The following PTCHD4 variants were observed in gnomAD, a reference collection of about 807,000 sequenced individuals.
The protein encoded by PTCHD4 is patched domain-containing protein 4.
A neutral mutation model predicts 58.1 loss-of-function variants in PTCHD4; 33 were observed. That is an observed-to-expected ratio of 0.57 (90% confidence interval 0.43 to 0.76). PTCHD4 has a LOEUF of 0.76. Ranked by LOEUF, PTCHD4 falls within the 30% of genes least tolerant of loss-of-function variation. The probability of loss-of-function intolerance (pLI) is 0.00; values close to 1 mark genes in which losing one functional copy is unlikely to be tolerated. For synonymous variants in PTCHD4, 478 were observed against 409.6 expected, an observed-to-expected ratio of 1.17 and a Z score of -2.02; for missense variants, 1,058 against 1,027.1, an observed-to-expected ratio of 1.03 and a Z score of -0.41.
chr6:48,095,510 C>T (rs1482966316), intron 1 of PTCHD4, among the ~76,000 whole-genome samples: 2 of 151,934 alleles, frequency 1.3e-5, no homozygotes, highest in Non-Finnish European at 2.9e-5. Flanking sequence ...GGTGAAACCC[C>T]GTCTCTACTA....
At chr6:48,107,761 A>G (rs1322355318) in intron 1 of PTCHD4, among the ~76,000 whole-genome samples, 1 of 152,210 alleles carries the variant, frequency 6.6e-6, no homozygotes, top group African/African-American at 2.4e-5. Flanking sequence ...TAAGAAAAAA[A>G]CAAACAACCC....
At chr6:47,946,959 T>G (rs1007410283) in intron 4 of PTCHD4, among the ~76,000 whole-genome samples, 8 of 152,128 alleles carry the variant, frequency 5.3e-5, no homozygotes, top group African/African-American at 1.9e-4. Context: ...TCCTCCCACT[T>G]CAGCCCCCTG....
intron 4 of PTCHD4, among the ~76,000 whole-genome samples, chr6:47,974,474 C>T (rs1398453223): frequency 6.6e-6 from 1 of 152,162 alleles, no homozygotes; most frequent in Non-Finnish European, 1.5e-5. Context: ...CATGATTTCT[C>T]AACCTTAACA....
At chr6:47,998,755 AG>A (rs1768598931) in intron 4 of PTCHD4, among the ~76,000 whole-genome samples, 1 of 152,336 alleles carries the variant, frequency 6.6e-6, no homozygotes, top group African/African-American at 2.4e-5. Flanking sequence ...CTCCTTTAAA[AG>A]GTCTAGCAAA....
At chr6:47,998,607 C>T (rs543915510) in intron 4 of PTCHD4, among the ~76,000 whole-genome samples, 1 of 152,134 alleles carries the variant, frequency 6.6e-6, no homozygotes, top group African/African-American at 2.4e-5. Context: ...AGATGTAGAA[C>T]CTTAAGGAGT....
intron 4 of PTCHD4, among the ~76,000 whole-genome samples, chr6:47,928,271 T>A (rs2113899760): frequency 6.6e-6 from 1 of 152,338 alleles, no homozygotes; most frequent in Middle Eastern, 3.4e-3. Context: ...AGTGAAATAT[T>A]TTCATTCCAA....
intron 4 of PTCHD4, among the ~76,000 whole-genome samples, chr6:47,984,178 A>G (rs936768159): frequency 6.6e-6 from 1 of 152,170 alleles, no homozygotes; most frequent in Non-Finnish European, 1.5e-5. Context: ...TAGACATTAA[A>G]CCAAATCTAA....
At chr6:47,933,687 A>C (rs1212600531) in intron 4 of PTCHD4, among the ~76,000 whole-genome samples, 1 of 152,242 alleles carries the variant, frequency 6.6e-6, no homozygotes, top group Non-Finnish European at 1.5e-5. Context: ...ATTAGTTAAT[A>C]TAAGTTCTTT....
At chr6:47,964,097 T>C (rs1767198248) in intron 4 of PTCHD4, among the ~76,000 whole-genome samples, 2 of 152,014 alleles carry the variant, frequency 1.3e-5, no homozygotes, top group Admixed American at 1.3e-4. Flanking sequence ...TTATCAAAAA[T>C]AGTCAAAATC....
At chr6:48,060,600 A>C (rs562952915) in intron 3 of PTCHD4, among the ~76,000 whole-genome samples, 1 of 152,218 alleles carries the variant, frequency 6.6e-6, no homozygotes, top group East Asian at 1.9e-4. Context: ...CTGCCTCTCA[A>C]GTAGCTGTGT....
chr6:48,017,570 T>C (rs546659978), intron 3 of PTCHD4, among the ~76,000 whole-genome samples: 1 of 152,318 alleles, frequency 6.6e-6, no homozygotes, highest in South Asian at 2.1e-4. Flanking sequence ...TTGGAAATTT[T>C]TAACACATGT....
intron 4 of PTCHD4, among the ~76,000 whole-genome samples, chr6:47,907,161 G>A (rs1764915141): frequency 6.6e-6 from 1 of 152,174 alleles, no homozygotes; most frequent in African/African-American, 2.4e-5. Flanking sequence ...TTTTGGAAAT[G>A]ACTGTACTCG....
intron 4 of PTCHD4, among the ~76,000 whole-genome samples, chr6:47,966,722 A>T (rs1011847678): frequency 6.6e-6 from 1 of 152,206 alleles, no homozygotes; most frequent in South Asian, 2.1e-4. Flanking sequence ...AGTAGATTCC[A>T]TATCAAGAAA....
chr6:47,921,320 A>G (rs1404504669), intron 4 of PTCHD4, among the ~76,000 whole-genome samples: 1 of 152,062 alleles, frequency 6.6e-6, no homozygotes, highest in Non-Finnish European at 1.5e-5. Context: ...CCTATTTGCT[A>G]TCCACTTATA....
At chr6:48,028,708 A>G (rs1763335223) in intron 3 of PTCHD4, among the ~76,000 whole-genome samples, 1 of 152,026 alleles carries the variant, frequency 6.6e-6, no homozygotes. Context: ...CTTTGTGTCA[A>G]CCTTTATCAT....
chr6:48,048,885 A>C (rs1764132273), intron 3 of PTCHD4, among the ~76,000 whole-genome samples: 1 of 151,948 alleles, frequency 6.6e-6, no homozygotes, highest in African/African-American at 2.4e-5. Flanking sequence ...TTCACTGGGA[A>C]TCCTAGAAAT....
intron 1 of PTCHD4, among the ~76,000 whole-genome samples, chr6:48,083,858 T>C (rs1481401557): frequency 6.6e-6 from 1 of 152,126 alleles, no homozygotes; most frequent in East Asian, 1.9e-4. Flanking sequence ...AGTAGAATTG[T>C]CCCCAGCGTC....
chr6:48,031,814 A>G (rs1456411544), intron 3 of PTCHD4, among the ~76,000 whole-genome samples: 3 of 152,140 alleles, frequency 2.0e-5, no homozygotes, highest in Non-Finnish European at 4.4e-5. Context: ...GTATCTCAGA[A>G]TGATTTTTTT....
chr6:47,875,662 G>C lies in PTCHD4; in HGVS notation c.*2641C>G, dbSNP rs1024698363. ...ATTTATCTTAGACACTTTGATCCTT[G>C]AAGACATAAACTAAAAAAGAACTGT... On this transcript the variant is annotated 3_prime_UTR_variant, in exon 5 of 5. Transcript: ENST00000339488. Among the ~76,000 whole-genome samples, 1 of 151,780 alleles carries C rather than the reference G, an allele frequency of 6.6e-6. No homozygotes were observed. Among genetic ancestry groups the C allele is most frequent in the East Asian group, 1.9e-4 (1 of 5,152 alleles).
Sources: gnomAD v4.1 joint callset for allele counts (sites outside exome capture counted in the v4.1 genomes callset) on GRCh38, gnomAD v4.1.1 for gene constraint, MANE v1.5 for transcripts, NCBI Gene and HGNC (gene_info 2026-07-23, HGNC 2026-07-21) for gene names.